Variants in COL12A1 observed in about 807,000 individuals in gnomAD.
COL12A1 encodes the protein collagen type XII alpha 1 chain.
A neutral mutation model predicts 349.7 loss-of-function variants in COL12A1; 114 were observed. The ratio of observed to expected loss-of-function variants is 0.33; its 90% CI spans 0.28 to 0.38. COL12A1 has a LOEUF of 0.38. Among genes scored for constraint, COL12A1 ranks in the 10% least tolerant of loss-of-function variants. The pLI, the probability that COL12A1 is intolerant of heterozygous loss-of-function variation, is 1.00. For synonymous variants in COL12A1, 1,369 were observed against 1,329.0 expected, an observed-to-expected ratio of 1.03 and a Z score of -0.66; for missense variants, 3,284 against 3,756.9, an observed-to-expected ratio of 0.87 and a Z score of 3.29.
chr6:75,176,389 T>C (rs1397458568), intron 12 of COL12A1, among the ~76,000 whole-genome samples: 1 of 59,842 alleles, frequency 1.7e-5, no homozygotes, highest in Non-Finnish European at 3.4e-5. Context: ...AGTGATGCAG[T>C]GGGAGGTGGG....
At chr6:75,109,933 GA>G (rs934776655) in intron 51 of COL12A1, among the ~76,000 whole-genome samples, 2 of 151,972 alleles carry the variant, frequency 1.3e-5, no homozygotes, top group African/African-American at 4.8e-5. Flanking sequence ...TGATGACTTT[GA>G]AAAGTTTGGC....
At chr6:75,123,479 C>G (rs1765849845) in intron 42 of COL12A1, 75 bp from the exon 43 acceptor site, 15 of 1,182,894 alleles carry the variant, frequency 1.3e-5, no homozygotes, top group Non-Finnish European at 1.7e-5. Flanking sequence ...ATTTTAAGAG[C>G]AATTTAAATC....
Position 75,102,031 on chromosome 6 carries a change from C to T in COL12A1, c.8437G>A (p.Asp2813Asn), listed in dbSNP as rs1768326840. ...GEQGRQGMKG[D>N]AGEPGLPGRT... Reference sequence around the variant, plus strand: ...CCTGGAAGTCCTGGCTCTCCAGCATCACCTTTCATCCCTTGGCGACCCTAG... The same window carrying T: ...CCTGGAAGTCCTGGCTCTCCAGCATTACCTTTCATCCCTTGGCGACCCTAG... The change falls in exon 57 of 66, where the codon GAT (aspartate) becomes AAT (asparagine). Residue 2813 changes from aspartate to asparagine, a missense_variant. Asp to Asn is a conservative substitution (Grantham distance 23, BLOSUM62 1). Transcript: ENST00000322507. The T allele has an allele frequency of 6.2e-7, 1 of 1,614,050 alleles. No homozygotes were observed. Among genetic ancestry groups the T allele is most frequent in the Non-Finnish European group, 8.5e-7 (1 of 1,180,042 alleles).
At chr6:75,179,636 C>T (rs1232060344) in intron 11 of COL12A1, among the ~76,000 whole-genome samples, 1 of 152,022 alleles carries the variant, frequency 6.6e-6, no homozygotes, top group Non-Finnish European at 1.5e-5. Flanking sequence ...TGCCAATGTG[C>T]ACCATCCCTG....
chr6:75,089,224 A>C (rs760537562), intron 63 of COL12A1, 50 bp from the exon 64 acceptor site: 1 of 1,362,472 alleles, frequency 7.3e-7, no homozygotes, highest in Non-Finnish European at 1.0e-6. Context: ...ATCTGGAAGC[A>C]TGTAATTTTC....
In COL12A1 at chr6:75,152,168, C is replaced by T. The variant is rs1210652893; in HGVS notation, c.3798G>A (p.Val1266=). Reference sequence around the variant, plus strand: ...TGCCTCCTTTGTACGGCAAGTTTGCCACAGCTTGCAACAAGCTCTTCTTGT... The same window carrying T: ...TGCCTCCTTTGTACGGCAAGTTTGCTACAGCTTGCAACAAGCTCTTCTTGT... ...HRDKKSLLQA[V]ANLPYKGGNT... The change falls in exon 19 of 66, where the codon GTG becomes GTA. Residue 1266 remains valine, a synonymous_variant. Coordinates refer to ENST00000322507, the MANE Select transcript of COL12A1 (RefSeq NM_004370.6). 2 of 1,613,802 alleles carry T rather than the reference C, an allele frequency of 1.2e-6. No homozygotes were observed. Among genetic ancestry groups the T allele is most frequent in the African/African-American group, 2.7e-5 (2 of 75,014 alleles).
intron 43 of COL12A1, among the ~76,000 whole-genome samples, chr6:75,122,173 G>T (rs1199429046): frequency 3.3e-5 from 5 of 152,114 alleles, no homozygotes; most frequent in African/African-American, 1.2e-4. Flanking sequence ...TAAGCCACTA[G>T]AATCATATGC....
rs1228184784 is a variant in COL12A1, at chr6:75,188,343, T to A, written c.997+19A>T. 6.2e-7 allele frequency: 1 copy of A among 1,605,810 alleles called. No homozygotes were observed. Among genetic ancestry groups the A allele is most frequent in the African/African-American group, 1.3e-5 (1 of 74,452 alleles). The stretch of plus-strand genomic sequence containing the variant: ...ATGGAAAAGACTAACACATGGGGAA[T>A]GCTACACAGTCTACTCACCTTCTTC... On this transcript the variant is annotated intron_variant, in intron 8 of 65. Transcript: ENST00000322507.
intron 14 of COL12A1, among the ~76,000 whole-genome samples, chr6:75,158,457 G>A (rs1477313240): frequency 6.6e-6 from 1 of 152,084 alleles, no homozygotes; most frequent in Admixed American, 6.6e-5. Context: ...CCAAAACTGT[G>A]AGAAAATAAC....
In COL12A1 at chr6:75,152,414, G is replaced by A. The variant is rs746929943; in HGVS notation, c.3634C>T (p.Arg1212Trp). ...CTCCTCACGGTTCTAAAATTTGCCC[G>A]GCCGATGCTCCATGATCCATCCACC... ...LLVDGSWSIG[R>W]ANFRTVRSFI... Residue 1212 changes from arginine (R) to tryptophan (W), a missense_variant, in exon 18 of 66, where the codon CGG (arginine) becomes TGG (tryptophan). By Grantham distance (101) the Arg-to-Trp change is moderately radical. Coordinates refer to ENST00000322507, the MANE Select transcript of COL12A1 (RefSeq NM_004370.6). 19 of 1,613,592 alleles carry A rather than the reference G, an allele frequency of 1.2e-5. No individual in the cohort carries two copies. In the East Asian group the frequency reaches 1.6e-4, roughly 13 times the overall value.
chr6:75,116,704 G>A (rs114461578), intron 47 of COL12A1, among the ~76,000 whole-genome samples: 6 of 152,148 alleles, frequency 3.9e-5, no homozygotes, highest in African/African-American at 1.4e-4. Flanking sequence ...TTAATGGAGG[G>A]GAATATTATA....
intron 42 of COL12A1, 140 bp from the exon 43 acceptor site, chr6:75,123,544 A>G: frequency 1.4e-6 from 1 of 717,162 alleles, no homozygotes; most frequent in Non-Finnish European, 2.3e-6. Flanking sequence ...CGGTACTGAC[A>G]TGCTGGGGAT....
chr6:75,176,813 T>A (rs1346611713), intron 12 of COL12A1, among the ~76,000 whole-genome samples: 1 of 152,284 alleles, frequency 6.6e-6, no homozygotes, highest in East Asian at 1.9e-4. Flanking sequence ...ATTGCTAATG[T>A]GTCCTTGGCA....
chr6:75,134,849 T>C lies in COL12A1; in HGVS notation c.5401A>G (p.Ile1801Val). Residue 1801 changes from isoleucine to valine, a missense_variant, in exon 32 of 66, where the codon ATA (isoleucine) becomes GTA (valine). This residue lies in a region of COL12A1 where 2,601 missense variants were observed against 2,824.8 expected (regional missense o/e 0.92). Transcript: ENST00000322507. ...TGEGNEQTTT[I>V]GGRQNSVVLQ... ...ACCACACTGTTCTGCCGTCCTCCTA[T>C]TGTGGTCTTGAGTAAAAAGGGTCTT... is the stretch of plus-strand genomic sequence containing the variant. The C allele has an allele frequency of 6.2e-7, 1 of 1,610,034 alleles. No individual in the cohort carries two copies. The highest frequency in any genetic ancestry group is 8.5e-7 in the Non-Finnish European group (1 of 1,177,334).
In COL12A1 at chr6:75,101,622, G is replaced by C. The variant is rs199693016; in HGVS notation, c.8501C>G (p.Pro2834Arg). The C allele has an allele frequency of 6.4e-5, 103 of 1,613,732 alleles. No homozygotes were observed. In the Middle Eastern group the frequency reaches 6.6e-4, roughly 10 times the overall value. ...GTPGLPGPPG[P>R]MGPPGDRGFT... ...TACTCTGTCTCCTGGAGGTCCCATT[G>C]GTCCTGGTGGGCCAGGTAATCCTGG... The change falls in exon 58 of 66, where the codon CCA becomes CGA. Residue 2834 changes from proline to arginine, a missense_variant. Pro to Arg is a moderately radical substitution (Grantham distance 103). Transcript: ENST00000322507.
chr6:75,137,731 T>G lies in COL12A1; in HGVS notation c.5252-152A>C, dbSNP rs2149394634. The stretch of plus-strand genomic sequence containing the variant: ...ATAAAAATGGTTATTGATTCTTAAA[T>G]GACTCCTTAGTATGGACTTTCATTT... On this transcript the variant is annotated intron_variant, in intron 30 of 65. Transcript: ENST00000322507. The G allele has an allele frequency of 4.7e-6, 4 of 847,144 alleles. No homozygotes were observed. In the South Asian group the frequency reaches 7.0e-5, roughly 15 times the overall value. The allele number at this position is 847,144 out of a possible 1,614,324, so 52.5% of individuals were successfully genotyped here.
chr6:75,122,979 G>A (rs554922260), intron 43 of COL12A1, among the ~76,000 whole-genome samples: 3 of 152,306 alleles, frequency 2.0e-5, no homozygotes, highest in South Asian at 2.1e-4. Flanking sequence ...GGCTTCGGTC[G>A]CAAATATAGC....
At chr6:75,110,090 A>G (rs896838916) in intron 51 of COL12A1, among the ~76,000 whole-genome samples, 2 of 152,082 alleles carry the variant, frequency 1.3e-5, no homozygotes, top group African/African-American at 4.8e-5. Flanking sequence ...ATAAATATAA[A>G]TTCCATATTT....
intron 55 of COL12A1, among the ~76,000 whole-genome samples, 192 bp downstream of exon 55, chr6:75,103,565 A>G (rs1368305600): frequency 6.6e-6 from 1 of 152,144 alleles, no homozygotes; most frequent in Non-Finnish European, 1.5e-5. Flanking sequence ...CATGCATCCT[A>G]TGCATTTCTT....
Sources: allele counts gnomAD v4.1 joint callset (sites outside exome capture counted in the v4.1 genomes callset), GRCh38; gene constraint gnomAD v4.1.1; regional missense constraint gnomAD v4.1.1; transcripts MANE v1.5; gene names NCBI Gene and HGNC (gene_info 2026-07-23, HGNC 2026-07-21).